Variants in LCMT1 observed in about 807,000 individuals in gnomAD.
LCMT1 encodes leucine carboxyl methyltransferase 1.
Under a neutral mutation model 47.7 loss-of-function variants are expected in LCMT1, and 32 were observed. The observed-to-expected ratio is 0.67, with a 90% confidence interval of 0.51 to 0.90. The LOEUF (loss-of-function observed/expected upper bound fraction) is 0.90, where lower values mean the gene tolerates loss of function less well. Ranked by LOEUF, LCMT1 falls within the 40% of genes least tolerant of loss-of-function variation. The probability of loss-of-function intolerance (pLI) is 0.00; values close to 1 mark genes in which losing one functional copy is unlikely to be tolerated. For missense variants in LCMT1, 375 were observed against 415.2 expected (o/e 0.90, Z 0.84); for synonymous variants, 152 against 149.7 (o/e 1.02, Z -0.11).
intron 2 of LCMT1, 22 bp downstream of exon 2, chr16:25,128,588 C>T: frequency 1.3e-6 from 2 of 1,536,906 alleles, no homozygotes. Flanking sequence ...TCTCCCTCCC[C>T]AACAGCACCT....
chr16:25,133,634 T>C (rs1389995826), intron 3 of LCMT1, among the ~76,000 whole-genome samples: 3 of 150,186 alleles, frequency 2.0e-5, no homozygotes, highest in African/African-American at 4.9e-5. Flanking sequence ...TCTGACCTTG[T>C]GATCTGCCTA....
At chr16:25,132,603 A>G (rs1358808210) in intron 3 of LCMT1, 80 bp downstream of exon 3, 6 of 1,486,442 alleles carry the variant, frequency 4.0e-6, no homozygotes, top group Middle Eastern at 1.7e-4. Context: ...AAATGTAAAC[A>G]TATATTAAAA....
chr16:25,173,619 A>T (rs1449684525), intron 9 of LCMT1, among the ~76,000 whole-genome samples: 1 of 152,166 alleles, frequency 6.6e-6, no homozygotes, highest in Non-Finnish European at 1.5e-5. Context: ...AGGAATATGG[A>T]TCCTGTTTCT....
intron 4 of LCMT1, chr16:25,146,281 T>G (rs1197541241): frequency 6.6e-6 from 1 of 152,456 alleles, no homozygotes; most frequent in South Asian, 2.1e-4. Context: ...GGCTCCGTGG[T>G]GTGATGACGA....
intron 2 of LCMT1, among the ~76,000 whole-genome samples, chr16:25,131,387 C>G (rs747288698): frequency 4.6e-5 from 7 of 152,208 alleles, no homozygotes; most frequent in Non-Finnish European, 1.0e-4. Flanking sequence ...AGAGTGCCTC[C>G]CAAATGGTGT....
intron 9 of LCMT1, among the ~76,000 whole-genome samples, chr16:25,171,165 C>A (rs1961755005): frequency 6.7e-6 from 1 of 150,116 alleles, no homozygotes; most frequent in South Asian, 2.1e-4. Context: ...AAACCTGGGG[C>A]GGGGGCAGAG....
At chr16:25,173,803 C>T (rs1207782472) in intron 9 of LCMT1, among the ~76,000 whole-genome samples, 1 of 152,088 alleles carries the variant, frequency 6.6e-6, no homozygotes, top group Non-Finnish European at 1.5e-5. Flanking sequence ...CCTTGGCCTC[C>T]CAAAGCTCTG....
intron 1 of LCMT1, among the ~76,000 whole-genome samples, chr16:25,126,695 A>T (rs901424621): frequency 2.6e-5 from 4 of 152,208 alleles, no homozygotes; most frequent in African/African-American, 9.6e-5. Context: ...GCTCTTTATT[A>T]TCCAAGAGTC....
rs1389476361 is a variant in LCMT1, at chr16:25,150,446, G to C, written c.405-1108G>C. Among the ~76,000 whole-genome samples, 3 of 145,278 alleles carry C rather than the reference G, an allele frequency of 2.1e-5. No individual in the cohort carries two copies. In the South Asian group the frequency reaches 6.8e-4, roughly 33 times the overall value. On this transcript the variant is annotated intron_variant, in intron 4 of 10. Transcript: ENST00000399069. ...CGCAACCTCCGCCTCCTAGGTGCAA[G>C]CGATTCTCCTGCCTCAGCCTCCCAA...
chr16:25,156,527 C>T (rs144211785), intron 5 of LCMT1, among the ~76,000 whole-genome samples: 3 of 152,228 alleles, frequency 2.0e-5, no homozygotes, highest in Non-Finnish European at 2.9e-5. Flanking sequence ...TCAGTTGGGC[C>T]GTGAGGAGGA....
intron 4 of LCMT1, among the ~76,000 whole-genome samples, chr16:25,150,653 A>G (rs527349781): frequency 3.4e-4 from 52 of 152,088 alleles, no homozygotes; most frequent in Non-Finnish European, 5.7e-4. Context: ...CCGCATCTTA[A>G]TAGTTTTAAC....
intron 5 of LCMT1, among the ~76,000 whole-genome samples, chr16:25,152,131 G>T (rs1252136916): frequency 6.6e-6 from 1 of 152,150 alleles, no homozygotes; most frequent in Non-Finnish European, 1.5e-5. Context: ...TCGGAGACTG[G>T]CCAGAACCAC....
At chr16:25,140,107 A>G in intron 3 of LCMT1, 64 bp from the exon 4 acceptor site, 2 of 1,224,810 alleles carry the variant, frequency 1.6e-6, no homozygotes, top group South Asian at 2.6e-5. Flanking sequence ...AGTGCTTGAT[A>G]TGTGGAAGAT....
rs781546097 is a variant in LCMT1, at chr16:25,170,730, C to T, written c.809C>T (p.Ser270Leu). 31 of 1,613,050 alleles carry T rather than the reference C, an allele frequency of 1.9e-5. No homozygotes were observed. The highest frequency in any genetic ancestry group is 2.7e-5 in the African/African-American group (2 of 74,880). ...ACATTTTAGAAAGAACGGCTCCTGT[C>T]GAATGGGTGGGAAACAGCATCGGCC... ...SLESQKERLLSNGWETASAVD... is the reference protein window; with the variant it reads ...SLESQKERLLLNGWETASAVD... Residue 270 changes from serine to leucine, a missense_variant, in exon 9 of 11, where the codon TCG becomes TTG. Ser to Leu is a moderately radical substitution (Grantham distance 145). Transcript: ENST00000399069.
At chr16:25,118,490 ACAGGATGCAG>A (rs1190440651) in intron 1 of LCMT1, among the ~76,000 whole-genome samples, 5 of 152,176 alleles carry the variant, frequency 3.3e-5, no homozygotes, top group Admixed American at 3.3e-4. Context: ...TGAGCCAAAC[ACAGGATGCAG>A]CTCTTATGGA....
intron 4 of LCMT1, chr16:25,144,585 T>C (rs1425803823): frequency 2.6e-5 from 4 of 152,282 alleles, no homozygotes; most frequent in Admixed American, 2.0e-4. Flanking sequence ...CTTAAAGTAA[T>C]ATCCAGGGTG....
intron 2 of LCMT1, among the ~76,000 whole-genome samples, chr16:25,130,676 C>T (rs1242261664): frequency 6.6e-6 from 1 of 152,146 alleles, no homozygotes; most frequent in Non-Finnish European, 1.5e-5. Context: ...GATTTATTTT[C>T]CTCCCCGGCT....
At chr16:25,120,977 C>T (rs56994003) in intron 1 of LCMT1, among the ~76,000 whole-genome samples, 2 of 128,148 alleles carry the variant, frequency 1.6e-5, no homozygotes, top group African/African-American at 3.0e-5. Context: ...CTAGACTGGT[C>T]TCAAACTCCT....
intron 10 of LCMT1, among the ~76,000 whole-genome samples, chr16:25,176,238 G>A (rs1465826193): frequency 6.6e-6 from 1 of 152,112 alleles, no homozygotes; most frequent in Non-Finnish European, 1.5e-5. Context: ...CCAGTGGTTA[G>A]GCTTTGAGTG....
Sources: gnomAD v4.1 joint callset for allele counts (sites outside exome capture counted in the v4.1 genomes callset) on GRCh38, gnomAD v4.1.1 for gene constraint, MANE v1.5 for transcripts, NCBI Gene and HGNC (gene_info 2026-07-23, HGNC 2026-07-21) for gene names.